Variants in ATG10 observed in about 807,000 individuals in gnomAD.
The protein encoded by ATG10 is autophagy related 10.
In ATG10, 30 loss-of-function variants were observed where a neutral mutation model predicts 32.1. That is an observed-to-expected ratio of 0.94 (90% CI 0.70 to 1.27). The LOEUF (loss-of-function observed/expected upper bound fraction) is 1.27, where lower values mean the gene tolerates loss of function less well. Ranked by LOEUF, ATG10 falls within the 50% of genes most tolerant of loss-of-function variation. The pLI is 0.00. For synonymous variants in ATG10, 87 were observed against 91.5 expected (o/e 0.95, Z 0.28); for missense variants, 233 against 262.3 (o/e 0.89, Z 0.77).
intron 3 of ATG10, among the ~76,000 whole-genome samples, chr5:82,131,182 A>G (rs1403633748): frequency 1.3e-5 from 2 of 152,122 alleles, no homozygotes; most frequent in Non-Finnish European, 2.9e-5. Context: ...CATGTAACAA[A>G]TCTGCACCTG....
intron 5 of ATG10, among the ~76,000 whole-genome samples, chr5:82,202,952 G>A (rs1014298889): frequency 6.6e-6 from 1 of 152,144 alleles, no homozygotes; most frequent in East Asian, 1.9e-4. Context: ...TGGGGGGCTG[G>A]GTGTGGTGGC....
chr5:82,063,188 A>T (rs896276490), intron 3 of ATG10, among the ~76,000 whole-genome samples: 1 of 152,046 alleles, frequency 6.6e-6, no homozygotes, highest in African/African-American at 2.4e-5. Context: ...GCCTGGTGGC[A>T]TGCACCTGTA....
intron 3 of ATG10, among the ~76,000 whole-genome samples, chr5:82,156,435 C>T (rs1393762806): frequency 1.3e-5 from 2 of 152,152 alleles, no homozygotes; most frequent in Non-Finnish European, 2.9e-5. Flanking sequence ...TAACATTTCT[C>T]ACCACCAAGA....
chr5:82,125,278 C>T (rs1477400982), intron 3 of ATG10, among the ~76,000 whole-genome samples: 5 of 152,138 alleles, frequency 3.3e-5, no homozygotes. Flanking sequence ...GGTGCAGAAG[C>T]TCTTTAGTTT....
chr5:82,122,904 TTGG>T (rs1342630269), intron 3 of ATG10, among the ~76,000 whole-genome samples: 3 of 152,170 alleles, frequency 2.0e-5, no homozygotes, highest in Admixed American at 1.3e-4. Context: ...TTATACACTG[TTGG>T]TGGGAGTGTA....
Position 82,154,542 on chromosome 5 carries a change from G to A in ATG10, c.217-9857G>A, listed in dbSNP as rs183083892. On this transcript the variant is annotated intron_variant, in intron 3 of 7. Transcript: ENST00000282185. Reference sequence around the variant, plus strand: ...GTCAAATGACCTGTCCATTCCATGAGTGGCAGAGCCAGGGATTGAACCCAC... The same window carrying A: ...GTCAAATGACCTGTCCATTCCATGAATGGCAGAGCCAGGGATTGAACCCAC... Among the ~76,000 whole-genome samples, 8 of 152,300 alleles carry A rather than the reference G, an allele frequency of 5.3e-5. No individual in the cohort carries two copies. In the East Asian group the frequency reaches 1.5e-3, roughly 29 times the overall value.
intron 5 of ATG10, among the ~76,000 whole-genome samples, chr5:82,184,397 A>AT (rs1204138474): frequency 3.9e-5 from 6 of 152,064 alleles, no homozygotes; most frequent in African/African-American, 1.4e-4. Context: ...TATTTCAGTG[A>AT]TTTTCTCAGC....
In ATG10 at chr5:82,167,572, A is replaced by C. The variant is rs1417229604; in HGVS notation, c.355+3035A>C. Among the ~76,000 whole-genome samples, 3 of 152,232 alleles carry C rather than the reference A, an allele frequency of 2.0e-5. No homozygotes were observed. In the East Asian group the frequency reaches 5.8e-4, roughly 29 times the overall value. On this transcript the variant is annotated intron_variant, in intron 4 of 7. Transcript: ENST00000282185. ...AATTCTGTTGTCTCCAGGAGACCTA[A>C]GACCCAAACCATCTATGTATCTTTA... is the stretch of plus-strand genomic sequence containing the variant.
chr5:81,993,360 C>CTTTCTTTCCTTCTTTCTTTTCTT lies in ATG10; in HGVS notation c.108+5684_108+5685insTCTTTCCTTCTTTCTTTTCTTTT. On this transcript the variant is annotated intron_variant, in intron 2 of 7. Coordinates refer to ENST00000282185, the MANE Select transcript of ATG10 (RefSeq NM_031482.5). ...CCTTCTTTCTTTCTTTCTTTCTTTC[C>CTTTCTTTCCTTCTTTCTTTTCTT]TTCTTTTCTTTTCTTTTCTTTTCTT... 8.3e-4 allele frequency among the ~76,000 whole-genome samples: 39 copies of CTTTCTTTCCTTCTTTCTTTTCTT among 46,796 alleles called. 1 individual carries two copies. The highest frequency in any genetic ancestry group is 0.011 in the Middle Eastern group (1 of 88). 30.7% of individuals were successfully genotyped at this position (46,796 alleles called of 152,430 possible). A position where few individuals can be genotyped will look rare whatever the true frequency, so the allele number is the denominator to read the frequency against.
At chr5:82,067,919 C>G (rs1264619333) in intron 3 of ATG10, among the ~76,000 whole-genome samples, 1 of 152,076 alleles carries the variant, frequency 6.6e-6, no homozygotes. Context: ...AAGATCATTT[C>G]TAGCAGCAGC....
rs1436059201 is a variant in ATG10, at chr5:82,255,553, TG to T, written c.*1494del. On this transcript the variant is annotated 3_prime_UTR_variant, in exon 8 of 8. Coordinates refer to ENST00000282185, the MANE Select transcript of ATG10 (RefSeq NM_031482.5). ...GAGGATCGTTTACAGCTACAGATGC[TG>T]GGGCCACCTGACACAGTCTCTCTGG... is the stretch of plus-strand genomic sequence containing the variant. 2.0e-5 allele frequency: 3 copies of T among 152,384 alleles called. No homozygotes were observed. Among genetic ancestry groups the T allele is most frequent in the East Asian group, 3.9e-4 (2 of 5,190 alleles). 9.4% of individuals were successfully genotyped at this position (152,384 alleles called of 1,614,324 possible).
intron 2 of ATG10, among the ~76,000 whole-genome samples, chr5:82,046,818 C>T (rs1429190402): frequency 6.6e-6 from 1 of 152,118 alleles, no homozygotes; most frequent in Admixed American, 6.6e-5. Context: ...AATTTCTTTC[C>T]ATTTAATAAA....
chr5:82,009,800 C>A (rs368848633), intron 2 of ATG10: 1 of 1,606,300 alleles, frequency 6.2e-7, no homozygotes, highest in African/African-American at 1.3e-5. Context: ...TTGCCATGGA[C>A]AAGATGCCAG....
At chr5:82,130,972 A>G (rs1453658860) in intron 3 of ATG10, among the ~76,000 whole-genome samples, 2 of 152,178 alleles carry the variant, frequency 1.3e-5, no homozygotes, top group Non-Finnish European at 2.9e-5. Flanking sequence ...TAATGCAGGA[A>G]CAGAAAACCA....
Position 82,253,404 on chromosome 5 carries a change from G to T in ATG10, c.642G>T (p.Gln214His). The T allele has an allele frequency of 1.2e-6, 2 of 1,601,630 alleles. No homozygotes were observed. Among genetic ancestry groups the T allele is most frequent in the Non-Finnish European group, 1.7e-6 (2 of 1,168,600 alleles). The change falls in exon 7 of 8, where the codon CAG becomes CAT. Residue 214 changes from glutamine (Q) to histidine (H), a missense_variant. Gln to His is a conservative substitution (Grantham distance 24). Coordinates refer to ENST00000282185, the MANE Select transcript of ATG10 (RefSeq NM_031482.5). ...LPLSYAKATS[Q>H]DERNVP ...TGAGTTATGCCAAAGCAACGTCTCA[G>T]GATGAACGAAATGTCCCTTAACAAG...
At chr5:81,985,333 C>T (rs1761228831) in intron 1 of ATG10, among the ~76,000 whole-genome samples, 1 of 152,160 alleles carries the variant, frequency 6.6e-6, no homozygotes. Flanking sequence ...CCATATTAGT[C>T]TTCTCTTGCT....
intron 5 of ATG10, among the ~76,000 whole-genome samples, chr5:82,232,496 T>A (rs557884334): frequency 6.6e-6 from 1 of 152,196 alleles, no homozygotes; most frequent in Non-Finnish European, 1.5e-5. Flanking sequence ...ATGGGAAGAA[T>A]ACCTACTTTA....
At chr5:82,187,323 T>C (rs1234338143) in intron 5 of ATG10, among the ~76,000 whole-genome samples, 1 of 151,750 alleles carries the variant, frequency 6.6e-6, no homozygotes, top group Non-Finnish European at 1.5e-5. Flanking sequence ...CCAGCCTGGC[T>C]AACATGGGGA....
rs1330921849 is a variant in ATG10 at position 82,254,286 on chromosome 5, G to C, written c.*223G>C. 6.6e-6 allele frequency: 1 copy of C among 152,262 alleles called. No homozygotes were observed. Among genetic ancestry groups the C allele is most frequent in the Non-Finnish European group, 1.5e-5 (1 of 68,082 alleles). The allele number at this position is 152,262 out of a possible 1,614,324, so 9.4% of individuals were successfully genotyped here. The stretch of plus-strand genomic sequence containing the variant: ...AAGGGATACATCATGGCCAGGCATG[G>C]TGGCTCACACCTGTAATCCAAGCAC... On this transcript the variant is annotated 3_prime_UTR_variant, in exon 8 of 8. Coordinates refer to ENST00000282185, the MANE Select transcript of ATG10 (RefSeq NM_031482.5).
Sources: gnomAD v4.1 joint callset for allele counts (sites outside exome capture counted in the v4.1 genomes callset) on GRCh38, gnomAD v4.1.1 for gene constraint, MANE v1.5 for transcripts, NCBI Gene and HGNC (gene_info 2026-07-23, HGNC 2026-07-21) for gene names.